The following RASGRF2 variants were observed in gnomAD, a reference collection of about 807,000 sequenced individuals.
RASGRF2 encodes the protein Ras protein specific guanine nucleotide releasing factor 2, also known as ras-specific guanine nucleotide-releasing factor 2.
A neutral mutation model predicts 151.0 loss-of-function variants in RASGRF2; 76 were observed. The ratio of observed to expected loss-of-function variants is 0.50; its 90% CI spans 0.42 to 0.61. The LOEUF is 0.61. Among genes scored for constraint, RASGRF2 ranks in the 20% least tolerant of loss-of-function variants. The probability of loss-of-function intolerance (pLI) is 0.00; values close to 1 mark genes in which losing one functional copy is unlikely to be tolerated. For synonymous variants in RASGRF2, 504 were observed against 566.5 expected, an observed-to-expected ratio of 0.89 and a Z score of 1.57; for missense variants, 1,148 against 1,564.6, an observed-to-expected ratio of 0.73 and a Z score of 4.49.
Position 80,968,278 on chromosome 5 carries a change from G to A in RASGRF2, c.288+7252G>A, listed in dbSNP as rs543517217. ...CACACACAAAATAGAATATTTCAGG[G>A]AATGCCAACCTACTCATCCTCCAGC... On this transcript the variant is annotated intron_variant, in intron 1 of 26. Coordinates refer to ENST00000265080, the MANE Select transcript of RASGRF2 (RefSeq NM_006909.3). 1.1e-4 allele frequency among the ~76,000 whole-genome samples: 17 copies of A among 152,146 alleles called. No homozygotes were observed. The South Asian group carries it at 2.7e-3, about 24-fold the overall frequency.
intron 19 of RASGRF2, among the ~76,000 whole-genome samples, chr5:81,205,474 G>C (rs1755484773): frequency 6.6e-6 from 1 of 152,240 alleles, no homozygotes; most frequent in Non-Finnish European, 1.5e-5. Flanking sequence ...TTAGGATACA[G>C]GAGATAGTGC....
At chr5:80,971,754 G>A (rs1747941610) in intron 1 of RASGRF2, among the ~76,000 whole-genome samples, 1 of 151,546 alleles carries the variant, frequency 6.6e-6, no homozygotes, top group Non-Finnish European at 1.5e-5. Context: ...TATTTTTTTA[G>A]AGACAGGCTT....
chr5:81,074,483 C>A (rs540368953), intron 5 of RASGRF2, among the ~76,000 whole-genome samples: 32 of 152,210 alleles, frequency 2.1e-4, no homozygotes, highest in Middle Eastern at 6.8e-3. Flanking sequence ...CCCGATTCCC[C>A]CCACTTTCTA....
chr5:81,092,952 T>G lies in RASGRF2; in HGVS notation c.1542T>G (p.His514Gln). The change falls in exon 10 of 27, where the codon CAT becomes CAG. Residue 514 changes from histidine (H) to glutamine (Q), a missense_variant. His to Gln is a conservative substitution (Grantham distance 24). Transcript: ENST00000265080. ...CAAGAAGTTCAGGAGGGAAGCTTCA[T>G]CTGCTCAAGGTACTGGTTTTCCATA... Reference protein sequence around the residue: ...ICTRSSGGKLHLLKTGGVLSL... With the variant: ...ICTRSSGGKLQLLKTGGVLSL... 1 of 1,611,622 alleles carries G rather than the reference T, an allele frequency of 6.2e-7. No individual in the cohort carries two copies. Among genetic ancestry groups the G allele is most frequent in the Non-Finnish European group, 8.5e-7 (1 of 1,178,310 alleles).
At chr5:81,055,615 G>C (rs533237506) in intron 2 of RASGRF2, among the ~76,000 whole-genome samples, 94 of 152,224 alleles carry the variant, frequency 6.2e-4, no homozygotes, top group African/African-American at 2.0e-3. Context: ...TCTCTGCCAG[G>C]CTTTGGTATC....
chr5:81,217,501 T>A (rs773878501), intron 25 of RASGRF2, 28 bp downstream of exon 25: 3 of 1,591,748 alleles, frequency 1.9e-6, no homozygotes, highest in South Asian at 2.3e-5. Context: ...ATTAGCCTGT[T>A]TCAATGGCTT....
In RASGRF2 at chr5:80,960,986, G is replaced by GCGC; in HGVS notation, c.251_253dup (p.Ala84dup). ...CGAACGCCCGCGCCACCCAGGGCCG[G>GCGC]CGCCGGGCAGGGAGGCGTCCGAGAC... On this transcript the variant is annotated inframe_insertion, in exon 1 of 27. Coordinates refer to ENST00000265080, the MANE Select transcript of RASGRF2 (RefSeq NM_006909.3). This position sits in a 1 kb window ranked among gnomAD's most constrained non-coding sequence, Gnocchi z 5.5. 1 of 1,546,610 alleles carries GCGC rather than the reference G, an allele frequency of 6.5e-7. No individual in the cohort carries two copies. The highest frequency in any genetic ancestry group is 8.8e-7 in the Non-Finnish European group (1 of 1,138,946).
intron 2 of RASGRF2, among the ~76,000 whole-genome samples, chr5:81,064,163 A>G (rs1256386646): frequency 6.6e-6 from 1 of 152,188 alleles, no homozygotes; most frequent in Non-Finnish European, 1.5e-5. Context: ...ATCCACTTCC[A>G]AGTTCACTCA....
At chr5:81,103,681 C>T (rs1022975993) in intron 12 of RASGRF2, among the ~76,000 whole-genome samples, 5 of 151,766 alleles carry the variant, frequency 3.3e-5, no homozygotes, top group Non-Finnish European at 7.4e-5. Context: ...GAATATAAAG[C>T]ACAAAAAGAA....
At chr5:81,143,734 A>G (rs1281723628) in intron 17 of RASGRF2, among the ~76,000 whole-genome samples, 1 of 152,042 alleles carries the variant, frequency 6.6e-6, no homozygotes, top group African/African-American at 2.4e-5. Context: ...TACTAAAAAT[A>G]CAAAAATTAG....
At chr5:81,026,700 A>C (rs1202063368) in intron 1 of RASGRF2, among the ~76,000 whole-genome samples, 1 of 152,204 alleles carries the variant, frequency 6.6e-6, no homozygotes. Context: ...TTAACTAAAA[A>C]TTATGACTAA....
chr5:81,012,142 G>T (rs912118261), intron 1 of RASGRF2, among the ~76,000 whole-genome samples: 1 of 152,116 alleles, frequency 6.6e-6, no homozygotes, highest in Non-Finnish European at 1.5e-5. Context: ...AACTTGTTAC[G>T]TCCTTAATCC....
chr5:81,117,192 C>T (rs1472878366), intron 15 of RASGRF2, among the ~76,000 whole-genome samples: 1 of 152,104 alleles, frequency 6.6e-6, no homozygotes, highest in East Asian at 1.9e-4. Context: ...TTCCCTGGAA[C>T]AATAAGCTGG....
At chr5:81,070,326 A>T (rs1751734273) in intron 3 of RASGRF2, 166 bp from the exon 4 acceptor site, 1 of 590,402 alleles carries the variant, frequency 1.7e-6, no homozygotes, top group African/African-American at 1.9e-5. Context: ...TGCTTGGGGT[A>T]AAGTTCATGT....
intron 25 of RASGRF2, among the ~76,000 whole-genome samples, chr5:81,219,080 T>C (rs1755804337): frequency 6.6e-6 from 1 of 151,586 alleles, no homozygotes; most frequent in African/African-American, 2.4e-5. Context: ...AGGTTCTTTT[T>C]TTTTTTTTTT....
chr5:80,999,354 T>G, intron 1 of RASGRF2, among the ~76,000 whole-genome samples: 1 of 152,116 alleles, frequency 6.6e-6, no homozygotes, highest in East Asian at 1.9e-4. Flanking sequence ...TTTTTTGTTT[T>G]TAGAGACAGG....
At chr5:80,979,111 A>G (rs779262233) in intron 1 of RASGRF2, among the ~76,000 whole-genome samples, 10 of 152,210 alleles carry the variant, frequency 6.6e-5, no homozygotes, top group Admixed American at 1.3e-4. Context: ...GAAACAAAAA[A>G]GTGGGAAGTG....
chr5:81,222,594 G>T (rs886690009), intron 26 of RASGRF2, among the ~76,000 whole-genome samples: 1 of 152,126 alleles, frequency 6.6e-6, no homozygotes, highest in African/African-American at 2.4e-5. Flanking sequence ...ACATTTATTT[G>T]TGTGATTATG....
chr5:81,056,179 G>A (rs1302366012), intron 2 of RASGRF2, among the ~76,000 whole-genome samples: 2 of 152,092 alleles, frequency 1.3e-5, no homozygotes, highest in Non-Finnish European at 2.9e-5. Context: ...GCTTTTGAAT[G>A]TGTTTGCTCT....
Sources: gnomAD v4.1 joint callset for allele counts (sites outside exome capture counted in the v4.1 genomes callset) on GRCh38, gnomAD v4.1.1 for gene constraint, Gnocchi (gnomAD v3.1) non-coding constraint, MANE v1.5 for transcripts, NCBI Gene and HGNC (gene_info 2026-07-23, HGNC 2026-07-21) for gene names.